CCDC178: variants seen among roughly 807,000 people sequenced by gnomAD.
CCDC178 encodes the protein coiled-coil domain containing 178.
In CCDC178, 126 loss-of-function variants were observed where a neutral mutation model predicts 117.4. The observed-to-expected ratio is 1.07, with a 90% CI of 0.93 to 1.24. The LOEUF is 1.24. Ranked by LOEUF, CCDC178 falls within the 50% of genes most tolerant of loss-of-function variation. The pLI is 0.00. For synonymous variants in CCDC178, 283 were observed against 313.4 expected (o/e 0.90, Z 1.02); for missense variants, 1,030 against 986.9 (o/e 1.04, Z -0.59).
At chr18:33,365,730 T>C (rs961659555) in intron 6 of CCDC178, among the ~76,000 whole-genome samples, 1 of 152,102 alleles carries the variant, frequency 6.6e-6, no homozygotes, top group Non-Finnish European at 1.5e-5. Context: ...TAATGACTGA[T>C]ATTGATTAAA....
At chr18:33,238,242 G>A (rs923850166) in intron 15 of CCDC178, among the ~76,000 whole-genome samples, 4 of 151,946 alleles carry the variant, frequency 2.6e-5, no homozygotes, top group African/African-American at 9.7e-5. Flanking sequence ...CAATAAACAT[G>A]AAAAAGCAAG....
chr18:33,281,969 G>A (rs1007863594), intron 12 of CCDC178, among the ~76,000 whole-genome samples: 1 of 152,198 alleles, frequency 6.6e-6, no homozygotes, highest in Non-Finnish European at 1.5e-5. Context: ...ACTAGGTGCA[G>A]ATAAGTGGAA....
At chr18:33,161,937 A>G (rs1459417257) in intron 20 of CCDC178, among the ~76,000 whole-genome samples, 2 of 152,164 alleles carry the variant, frequency 1.3e-5, no homozygotes, top group African/African-American at 4.8e-5. Context: ...TATACCCAGT[A>G]ATGGGATTGC....
chr18:33,182,390 A>G (rs890977250), intron 20 of CCDC178, among the ~76,000 whole-genome samples: 5 of 152,016 alleles, frequency 3.3e-5, no homozygotes, highest in Non-Finnish European at 7.4e-5. Flanking sequence ...CTACAATAAG[A>G]TTACATTTTA....
chr18:33,086,969 G>GA (rs1491484117), intron 21 of CCDC178, among the ~76,000 whole-genome samples: 7 of 124,030 alleles, frequency 5.6e-5, no homozygotes, highest in African/African-American at 2.1e-4. Flanking sequence ...GCTATTGGTT[G>GA]ACACACACAC....
intron 5 of CCDC178, among the ~76,000 whole-genome samples, chr18:33,372,974 T>G (rs1301750586): frequency 6.6e-6 from 1 of 152,178 alleles, no homozygotes; most frequent in Non-Finnish European, 1.5e-5. Flanking sequence ...CCTTTTCACA[T>G]TGTTATCCCT....
intron 4 of CCDC178, 150 bp from the exon 5 acceptor site, chr18:33,389,779 T>A (rs902133174): frequency 4.9e-6 from 2 of 407,232 alleles, no homozygotes; most frequent in African/African-American, 2.1e-5. Context: ...AAATCCACAG[T>A]AGAGTATCTT....
chr18:33,271,549 G>A (rs1392123138), intron 12 of CCDC178, among the ~76,000 whole-genome samples: 1 of 151,356 alleles, frequency 6.6e-6, no homozygotes, highest in Non-Finnish European at 1.5e-5. Context: ...TATAATAACA[G>A]AAGGGTCAAT....
chr18:33,251,084 A>T (rs780348851), intron 14 of CCDC178, among the ~76,000 whole-genome samples: 1 of 151,688 alleles, frequency 6.6e-6, no homozygotes, highest in African/African-American at 2.4e-5. Context: ...TAGAGAATTA[A>T]CTGTGAGTTC....
chr18:33,056,994 T>A (rs2056842271), intron 21 of CCDC178, among the ~76,000 whole-genome samples: 1 of 149,656 alleles, frequency 6.7e-6, no homozygotes, highest in African/African-American at 2.5e-5. Flanking sequence ...TATTCTGTAA[T>A]AAGCACATAT....
intron 20 of CCDC178, among the ~76,000 whole-genome samples, chr18:33,120,167 TA>T (rs2057917480): frequency 6.6e-6 from 1 of 151,326 alleles, no homozygotes; most frequent in African/African-American, 2.4e-5. Flanking sequence ...ACATGTACCC[TA>T]CAACTTAAAG....
At chr18:33,351,353 C>G (rs1156258869) in intron 7 of CCDC178, among the ~76,000 whole-genome samples, 1 of 152,004 alleles carries the variant, frequency 6.6e-6, no homozygotes, top group Non-Finnish European at 1.5e-5. Flanking sequence ...CCATCACACC[C>G]AGCTAATTTT....
chr18:33,030,385 GTT>G lies in CCDC178; in HGVS notation c.2389-55706_2389-55705del, dbSNP rs1277981658. ...TATCTCTTATACGTAGGAGTATGTA[GTT>G]GAATGTTTTCTCCTCACCCAATCCA... On this transcript the variant is annotated intron_variant, in intron 21 of 22. Transcript: ENST00000383096. Among the ~76,000 whole-genome samples, 291 of 152,122 alleles carry G rather than the reference GTT, an allele frequency of 1.9e-3. 4 individuals carry two copies. Among genetic ancestry groups the G allele is most frequent in the African/African-American group, 6.7e-3 (279 of 41,520 alleles).
intron 21 of CCDC178, among the ~76,000 whole-genome samples, chr18:32,988,225 CA>C (rs1432139069): frequency 3.3e-5 from 5 of 151,916 alleles, no homozygotes; most frequent in Non-Finnish European, 7.4e-5. Context: ...TGACTGAGGT[CA>C]GGGGTTCAAG....
chr18:33,108,665 T>C lies in CCDC178; in HGVS notation c.2239-15755A>G, dbSNP rs148563775. Among the ~76,000 whole-genome samples the C allele has an allele frequency of 7.1e-3, 1,079 of 151,782 alleles. 16 individuals are homozygous for C. The highest frequency in any genetic ancestry group is 0.025 in the African/African-American group (1,032 of 41,496). ...AAGTAAGAATATTTTGACACTCTTA[T>C]GTTTCTCCATCACAATTAAATATAG... On this transcript the variant is annotated intron_variant, in intron 20 of 22. Coordinates refer to ENST00000383096, the MANE Select transcript of CCDC178 (RefSeq NM_001105528.4).
At chr18:33,347,729 T>C (rs1275628241) in intron 8 of CCDC178, among the ~76,000 whole-genome samples, 3 of 152,110 alleles carry the variant, frequency 2.0e-5, no homozygotes, top group Non-Finnish European at 4.4e-5. Context: ...ATTGAATATA[T>C]ATGTGTTTTA....
At chr18:33,175,637 A>G (rs1432701254) in intron 20 of CCDC178, among the ~76,000 whole-genome samples, 1 of 152,234 alleles carries the variant, frequency 6.6e-6, no homozygotes, top group Non-Finnish European at 1.5e-5. Context: ...GGCCACTGCA[A>G]TGCCTTGACT....
At chr18:33,076,827 C>G (rs1023244591) in intron 21 of CCDC178, among the ~76,000 whole-genome samples, 1 of 152,150 alleles carries the variant, frequency 6.6e-6, no homozygotes, top group Non-Finnish European at 1.5e-5. Flanking sequence ...ATGCTAGCAG[C>G]TGCTTGGAGC....
Position 33,150,961 on chromosome 18 carries a change from G to A in CCDC178, c.2239-58051C>T, listed in dbSNP as rs547736852. On this transcript the variant is annotated intron_variant, in intron 20 of 22. Coordinates refer to ENST00000383096, the MANE Select transcript of CCDC178 (RefSeq NM_001105528.4). ...TGTCTTTTGCAGCAACTTGGATGGA[G>A]TTGGAGGCCATTATTCTAGGTGAAA... is the stretch of plus-strand genomic sequence containing the variant. 3.3e-5 allele frequency among the ~76,000 whole-genome samples: 5 copies of A among 152,300 alleles called. No homozygotes were observed. In the South Asian group the frequency reaches 1.0e-3, roughly 32 times the overall value.
Sources: gnomAD v4.1 joint callset for allele counts (sites outside exome capture counted in the v4.1 genomes callset) on GRCh38, gnomAD v4.1.1 for gene constraint, MANE v1.5 for transcripts, NCBI Gene and HGNC (gene_info 2026-07-23, HGNC 2026-07-21) for gene names.